Variants in MYO5A observed in about 807,000 individuals in gnomAD.
MYO5A encodes myosin VA.
A neutral mutation model predicts 249.7 loss-of-function variants in MYO5A; 98 were observed. That is an observed-to-expected ratio of 0.39 (90% CI 0.33 to 0.46). The LOEUF (loss-of-function observed/expected upper bound fraction) is 0.46, where lower values mean the gene tolerates loss of function less well. MYO5A is among the 20% of genes least tolerant of loss of function. The probability of loss-of-function intolerance (pLI) is 0.98; values close to 1 mark genes in which losing one functional copy is unlikely to be tolerated. For synonymous variants in MYO5A, 778 were observed against 810.6 expected, an observed-to-expected ratio of 0.96 and a Z score of 0.68; for missense variants, 1,696 against 2,308.8, an observed-to-expected ratio of 0.73 and a Z score of 5.44.
intron 25 of MYO5A, among the ~76,000 whole-genome samples, chr15:52,354,848 C>T (rs1444018557): frequency 1.6e-4 from 23 of 141,586 alleles, no homozygotes; most frequent in African/African-American, 5.5e-4. Context: ...AGTGAGACTC[C>T]ATCTCACAAA....
intron 1 of MYO5A, among the ~76,000 whole-genome samples, chr15:52,520,075 C>T (rs1453480176): frequency 6.6e-6 from 1 of 152,092 alleles, no homozygotes; most frequent in South Asian, 2.1e-4. Flanking sequence ...GGGAAAGATA[C>T]CTAATGTCCC....
chr15:52,472,398 AT>A (rs545504001), intron 1 of MYO5A, among the ~76,000 whole-genome samples: 6 of 150,540 alleles, frequency 4.0e-5, no homozygotes, highest in Middle Eastern at 3.4e-3. Flanking sequence ...CATTTTTTTC[AT>A]TTTTTTTTAT....
At chr15:52,468,678 A>G (rs1423347175) in intron 1 of MYO5A, among the ~76,000 whole-genome samples, 1 of 152,236 alleles carries the variant, frequency 6.6e-6, no homozygotes, top group Non-Finnish European at 1.5e-5. Context: ...TCTATAAAAC[A>G]TAATAACAAA....
intron 2 of MYO5A, among the ~76,000 whole-genome samples, chr15:52,430,221 A>G (rs922909073): frequency 2.0e-5 from 3 of 152,184 alleles, no homozygotes; most frequent in African/African-American, 7.2e-5. Flanking sequence ...TGGTCCTTGC[A>G]TTGGCCCTGT....
At position 52,364,651 on chromosome 15, in the gene MYO5A, A is replaced by C; in HGVS notation, c.3212T>G (p.Leu1071Arg). Residue 1071 changes from leucine to arginine, a missense_variant, in exon 24 of 42, where the codon CTT (leucine) becomes CGT (arginine). Leu to Arg is a moderately radical substitution (Grantham distance 102). Transcript: ENST00000399233. ...VEETKQLELD[L>R]NDERLRYQNL... ...CTGATATCTCAGCCTTTCATCATTA[A>C]GGTCGAGTTCCAGTTGTTTCGTTTC... The C allele has an allele frequency of 1.2e-6, 2 of 1,613,960 alleles. No homozygotes were observed. Among genetic ancestry groups the C allele is most frequent in the Non-Finnish European group, 1.7e-6 (2 of 1,179,912 alleles).
intron 1 of MYO5A, among the ~76,000 whole-genome samples, chr15:52,497,933 G>C (rs1273117676): frequency 6.6e-6 from 1 of 151,924 alleles, no homozygotes; most frequent in Non-Finnish European, 1.5e-5. Context: ...ATCAAAACCT[G>C]AGGAATATAG....
At chr15:52,457,130 C>G (rs2076134126) in intron 1 of MYO5A, among the ~76,000 whole-genome samples, 1 of 151,902 alleles carries the variant, frequency 6.6e-6, no homozygotes, top group Non-Finnish European at 1.5e-5. Flanking sequence ...AAACAAAAAA[C>G]AAATAATCTC....
At chr15:52,391,823 C>T (rs908234479) in intron 12 of MYO5A, 107 bp downstream of exon 12, 57 of 1,192,732 alleles carry the variant, frequency 4.8e-5, no homozygotes, top group Admixed American at 1.8e-4. Context: ...CTTGTCACCA[C>T]GACGGCATTC....
chr15:52,402,119 GT>G (rs2042786791), intron 9 of MYO5A, among the ~76,000 whole-genome samples: 1 of 152,210 alleles, frequency 6.6e-6, no homozygotes, highest in Admixed American at 6.5e-5. Context: ...TAGATTTGCA[GT>G]TGCTTCTGTC....
At chr15:52,476,759 T>G (rs2076604005) in intron 1 of MYO5A, among the ~76,000 whole-genome samples, 1 of 152,320 alleles carries the variant, frequency 6.6e-6, no homozygotes, top group South Asian at 2.1e-4. Flanking sequence ...TGCCGAGAGA[T>G]CTGCAGTTAG....
chr15:52,321,933 T>C (rs892967203), intron 37 of MYO5A, among the ~76,000 whole-genome samples: 1 of 152,064 alleles, frequency 6.6e-6, no homozygotes, highest in Non-Finnish European at 1.5e-5. Context: ...AAAGGACATA[T>C]ATAATCTTGA....
chr15:52,431,034 C>G (rs140372445), intron 2 of MYO5A, among the ~76,000 whole-genome samples: 4 of 151,296 alleles, frequency 2.6e-5, no homozygotes, highest in Admixed American at 2.0e-4. Flanking sequence ...GAGTTTGAGA[C>G]CCGCCTGGCC....
intron 3 of MYO5A, 42 bp downstream of exon 3, chr15:52,428,356 G>A: frequency 1.3e-6 from 2 of 1,576,978 alleles, no homozygotes; most frequent in East Asian, 2.2e-5. Flanking sequence ...GTCCATTAGA[G>A]GAAAGAGTCC....
At chr15:52,417,259 C>T (rs913814211) in intron 4 of MYO5A, among the ~76,000 whole-genome samples, 2 of 152,196 alleles carry the variant, frequency 1.3e-5, no homozygotes, top group Non-Finnish European at 2.9e-5. Flanking sequence ...AGAATTACTT[C>T]AATATCTTAC....
chr15:52,379,409 T>C (rs781139278), intron 18 of MYO5A, among the ~76,000 whole-genome samples: 6 of 152,148 alleles, frequency 3.9e-5, no homozygotes, highest in Non-Finnish European at 5.9e-5. Context: ...GAAGAATGTG[T>C]TTCAAATGTG....
At chr15:52,462,320 T>C (rs187013596) in intron 1 of MYO5A, among the ~76,000 whole-genome samples, 31 of 151,704 alleles carry the variant, frequency 2.0e-4, no homozygotes, top group African/African-American at 7.3e-4. Context: ...GTGGCATTAA[T>C]ATTTTTAAAT....
At chr15:52,381,129 C>T (rs1057432695) in intron 16 of MYO5A, among the ~76,000 whole-genome samples, 1 of 152,122 alleles carries the variant, frequency 6.6e-6, no homozygotes, top group Non-Finnish European at 1.5e-5. Context: ...CCTGTGACTC[C>T]CATAGTTAAG....
In MYO5A at chr15:52,353,496, T is replaced by C. The variant is rs189005799; in HGVS notation, c.3621+109A>G. The C allele has an allele frequency of 4.7e-5, 42 of 902,010 alleles. No individual in the cohort carries two copies. The East Asian group carries it at 9.9e-4, about 21-fold the overall frequency. The allele number at this position is 902,010 out of a possible 1,614,324, so 55.9% of individuals were successfully genotyped here. ...TGAATAAGGCTGAAGCTAGGACCTC[T>C]GGTGCAATCTCCAACCCTTAAGGAT... On this transcript the variant is annotated intron_variant, in intron 27 of 41. Transcript: ENST00000399233.
intron 4 of MYO5A, among the ~76,000 whole-genome samples, chr15:52,418,148 TA>T (rs2043603797): frequency 6.6e-6 from 1 of 152,126 alleles, no homozygotes; most frequent in South Asian, 2.1e-4. Context: ...AAAGAGCAGA[TA>T]ACTCAGCTTA....
Sources: gnomAD v4.1 joint callset for allele counts (sites outside exome capture counted in the v4.1 genomes callset) on GRCh38, gnomAD v4.1.1 for gene constraint, MANE v1.5 for transcripts, NCBI Gene and HGNC (gene_info 2026-07-23, HGNC 2026-07-21) for gene names.